The following CYRIB variants were observed in gnomAD, a reference collection of about 807,000 sequenced individuals.
CYRIB encodes the protein CYFIP-related Rac1 interactor B.
CYRIB carries 8 observed loss-of-function variants against 44.2 expected under a neutral mutation model. That is an observed-to-expected ratio of 0.18 (90% confidence interval 0.11 to 0.33). The LOEUF (loss-of-function observed/expected upper bound fraction) is 0.33. Among genes scored for constraint, CYRIB ranks in the 10% least tolerant of loss-of-function variants. CYRIB has a pLI of 1.00. For missense variants in CYRIB, 185 were observed against 382.8 expected (o/e 0.48, Z 4.31); for synonymous variants, 131 against 127.2 (o/e 1.03, Z -0.20).
chr8:129,934,336 G>T (rs2092381208), intron 1 of CYRIB, among the ~76,000 whole-genome samples: 1 of 152,094 alleles, frequency 6.6e-6, no homozygotes, highest in Non-Finnish European at 1.5e-5. Context: ...AAATGCTTAT[G>T]TGAAACACAC....
rs199809407 is a variant in CYRIB, at chr8:129,922,441, GTTT to G, written c.-50+17164_-50+17166del. Reference sequence around the variant, plus strand: ...CAAAAATTAAAGACGGTACAGATCAGTTTTTTGAGATATTTAAGAGGTCCCAGG... The same window carrying G: ...CAAAAATTAAAGACGGTACAGATCAGTTTGAGATATTTAAGAGGTCCCAGG... On this transcript the variant is annotated intron_variant, in intron 1 of 11. Coordinates refer to ENST00000519824, the Ensembl canonical transcript of CYRIB. Among the ~76,000 whole-genome samples, 5 of 152,220 alleles carry G rather than the reference GTTT, an allele frequency of 3.3e-5. No homozygotes were observed. The East Asian group carries it at 9.6e-4, about 29-fold the overall frequency.
chr8:129,985,902 C>T (rs2096438674), intron 1 of CYRIB, among the ~76,000 whole-genome samples: 1 of 152,186 alleles, frequency 6.6e-6, no homozygotes, highest in Admixed American at 6.5e-5. Context: ...ACCCTGAACA[C>T]TTTCAAACCA....
intron 2 of CYRIB, among the ~76,000 whole-genome samples, chr8:129,946,014 G>A (rs2094117553): frequency 6.6e-6 from 1 of 152,150 alleles, no homozygotes; most frequent in African/African-American, 2.4e-5. Context: ...GGAAATGTTG[G>A]GAAGCTCTCA....
At chr8:129,951,901 C>T (rs1022050042) in intron 2 of CYRIB, among the ~76,000 whole-genome samples, 6 of 152,138 alleles carry the variant, frequency 3.9e-5, no homozygotes, top group Admixed American at 1.3e-4. Context: ...GGTCTGTCCA[C>T]GAATGTGTCC....
Position 130,006,649 on chromosome 8 carries a change from T to TAC in CYRIB, c.-296+9719_-296+9720dup, listed in dbSNP as rs1303547816. On this transcript the variant is annotated intron_variant, in intron 1 of 14. Transcript: ENST00000401979. ...ATATACATATATATGTGTATATATA[T>TAC]ACATATATATATGTATATATATATG... Among the ~76,000 whole-genome samples the TAC allele has an allele frequency of 6.9e-4, 78 of 112,896 alleles. 5 individuals carry two copies. Among genetic ancestry groups the TAC allele is most frequent in the African/African-American group, 1.8e-3 (52 of 28,126 alleles). The allele number at this position is 112,896 out of a possible 152,430, so 74.1% of individuals were successfully genotyped here. A position where few individuals can be genotyped will look rare whatever the true frequency, so the allele number is the denominator to read the frequency against.
chr8:129,905,434 G>C (rs911275818), intron 1 of CYRIB, among the ~76,000 whole-genome samples: 10 of 152,242 alleles, frequency 6.6e-5, no homozygotes, highest in Non-Finnish European at 1.5e-4. Context: ...AGCCAGGATG[G>C]TCTCCATCTC....
intron 1 of CYRIB, among the ~76,000 whole-genome samples, chr8:129,930,358 G>C (rs1403785718): frequency 8.6e-4 from 2 of 2,316 alleles, no homozygotes; most frequent in Non-Finnish European, 3.4e-3. Context: ...GAAGAATTGT[G>C]AAGTGCTTAT....
At chr8:129,869,068 AAAAG>A (rs1378541834) in intron 4 of CYRIB, among the ~76,000 whole-genome samples, 2 of 150,644 alleles carry the variant, frequency 1.3e-5, no homozygotes, top group East Asian at 1.9e-4. Context: ...AAAAAAAAAA[AAAAG>A]AAGAAAAAAA....
intron 1 of CYRIB, among the ~76,000 whole-genome samples, chr8:129,937,539 G>C (rs1252918964): frequency 6.6e-6 from 1 of 152,174 alleles, no homozygotes; most frequent in Non-Finnish European, 1.5e-5. Flanking sequence ...TTTATTCCTG[G>C]AGAGTTCAGA....
At chr8:129,913,208 T>C (rs1190141524) in intron 1 of CYRIB, among the ~76,000 whole-genome samples, 1 of 152,132 alleles carries the variant, frequency 6.6e-6, no homozygotes, top group African/African-American at 2.4e-5. Flanking sequence ...TCTGACCTCA[T>C]GATCCACCTG....
At chr8:129,965,612 C>T (rs555170667) in intron 2 of CYRIB, among the ~76,000 whole-genome samples, 82 of 151,882 alleles carry the variant, frequency 5.4e-4, no homozygotes, top group African/African-American at 1.7e-3. Context: ...CTGGCTAACA[C>T]GGTGAAACCC....
exon 1 of CYRIB, chr8:130,016,417 C>A (rs918620792): frequency 1.3e-5 from 2 of 149,844 alleles, no homozygotes; most frequent in Non-Finnish European, 3.0e-5. Flanking sequence ...AGCGCAGGAG[C>A]CTCGGAGCCT....
chr8:129,881,725 A>T (rs1216915869), intron 2 of CYRIB, among the ~76,000 whole-genome samples: 3 of 152,164 alleles, frequency 2.0e-5, no homozygotes. Flanking sequence ...TCTTCTTCTT[A>T]TATTAACATT....
chr8:129,950,121 C>CT (rs141715977), intron 2 of CYRIB, among the ~76,000 whole-genome samples: 10,473 of 151,968 alleles, frequency 0.069, 570 homozygotes, highest in East Asian at 0.26. Flanking sequence ...TTGACATTTG[C>CT]TTTTTTTTCT....
intron 2 of CYRIB, chr8:129,896,537 G>C (rs2068148823): frequency 5.9e-5 from 9 of 152,170 alleles, no homozygotes. Flanking sequence ...CGCAATGAGA[G>C]TTCAAATCCT....
intron 1 of CYRIB, among the ~76,000 whole-genome samples, chr8:129,931,376 GTTT>G (rs2091291780): frequency 6.6e-6 from 1 of 152,102 alleles, no homozygotes; most frequent in Non-Finnish European, 1.5e-5. Flanking sequence ...TCCCAAGATG[GTTT>G]TCTCATATTT....
chr8:129,848,410 G>A (rs532946189), intron 10 of CYRIB, among the ~76,000 whole-genome samples: 1 of 152,322 alleles, frequency 6.6e-6, no homozygotes, highest in South Asian at 2.1e-4. Context: ...AGAGGTTGGG[G>A]AAAGAAACTA....
chr8:129,869,232 A>G (rs960617912), intron 4 of CYRIB, among the ~76,000 whole-genome samples: 2 of 151,602 alleles, frequency 1.3e-5, no homozygotes, highest in African/African-American at 2.4e-5. Flanking sequence ...CTAAAAATAC[A>G]AAAATTAGCT....
intron 1 of CYRIB, among the ~76,000 whole-genome samples, chr8:129,924,512 C>T (rs914709812): frequency 6.6e-6 from 1 of 152,006 alleles, no homozygotes; most frequent in Non-Finnish European, 1.5e-5. Flanking sequence ...TTATACTGAA[C>T]AAGCCGAACC....
Sources: allele counts gnomAD v4.1 joint callset (sites outside exome capture counted in the v4.1 genomes callset), GRCh38; gene constraint gnomAD v4.1.1; transcripts MANE v1.5; gene names NCBI Gene and HGNC (gene_info 2026-07-23, HGNC 2026-07-21).